Variants in DYNC2I1 observed in about 807,000 individuals in gnomAD.
DYNC2I1 encodes cytoplasmic dynein 2 intermediate chain 1.
A neutral mutation model predicts 133.4 loss-of-function variants in DYNC2I1; 89 were observed. The observed-to-expected ratio is 0.67, with a 90% CI of 0.56 to 0.80. DYNC2I1 has a LOEUF of 0.80. DYNC2I1 is among the 30% of genes least tolerant of loss of function. DYNC2I1 has a pLI of 0.00. For synonymous variants in DYNC2I1, 504 were observed against 484.3 expected, an observed-to-expected ratio of 1.04 and a Z score of -0.54; for missense variants, 1,291 against 1,314.5, an observed-to-expected ratio of 0.98 and a Z score of 0.28.
chr7:158,841,654 G>A, the DYNC2I1 span, among the ~76,000 whole-genome samples: 1 of 152,304 alleles, frequency 6.6e-6, no homozygotes. Flanking sequence ...ATTGGGAAAT[G>A]AGCTATTCAG....
At chr7:158,919,192 G>A (rs1026136995) in intron 15 of DYNC2I1, among the ~76,000 whole-genome samples, 1 of 152,194 alleles carries the variant, frequency 6.6e-6, no homozygotes, top group African/African-American at 2.4e-5. Context: ...CAGTTATTCA[G>A]TTTCTTTTCT....
At position 158,916,523 on chromosome 7, in the gene DYNC2I1, C is replaced by T. The variant is rs201549260; in HGVS notation, c.1791+2202C>T. On this transcript the variant is annotated intron_variant, in intron 14 of 24. Transcript: ENST00000407559. Reference sequence around the variant, plus strand: ...TAAGGATGATTGTGAAACGTCTACACGCTGGTTGACATTAAGGATGATTGT... The same window carrying T: ...TAAGGATGATTGTGAAACGTCTACATGCTGGTTGACATTAAGGATGATTGT... Among the ~76,000 whole-genome samples the T allele has an allele frequency of 1.7e-3, 98 of 56,454 alleles. 2 individuals are homozygous for T. In the South Asian group the frequency reaches 0.031, roughly 18 times the overall value. 37.0% of individuals were successfully genotyped at this position (56,454 alleles called of 152,430 possible). A position where few individuals can be genotyped will look rare whatever the true frequency, so the allele number is the denominator to read the frequency against.
At chr7:158,861,034 G>A (rs842705) in intron 1 of DYNC2I1, among the ~76,000 whole-genome samples, 151,135 of 152,370 alleles carry the variant, frequency 0.99, 74,961 homozygotes, top group East Asian at 1. Context: ...TGCTCCTCGC[G>A]GTGTAAGGCC....
intron 15 of DYNC2I1, among the ~76,000 whole-genome samples, chr7:158,920,275 G>C (rs558803603): frequency 6.7e-6 from 1 of 148,582 alleles, no homozygotes; most frequent in African/African-American, 2.5e-5. Context: ...GTACCACAGC[G>C]TGTGGCCTCC....
At chr7:158,897,213 AC>A (rs1266625853) in intron 8 of DYNC2I1, among the ~76,000 whole-genome samples, 1 of 151,354 alleles carries the variant, frequency 6.6e-6, no homozygotes, top group Non-Finnish European at 1.5e-5. Context: ...CAAACTCTTG[AC>A]CTCAGGTAAT....
intron 11 of DYNC2I1, among the ~76,000 whole-genome samples, chr7:158,910,753 C>T (rs1309749302): frequency 6.7e-6 from 1 of 149,094 alleles, no homozygotes; most frequent in Non-Finnish European, 1.5e-5. Context: ...CTGTGTCAGA[C>T]CTGTGGGTGG....
chr7:158,848,958 C>T, the DYNC2I1 span, among the ~76,000 whole-genome samples: 6 of 152,012 alleles, frequency 3.9e-5, no homozygotes, highest in African/African-American at 9.7e-5. Context: ...AAGGGAACCC[C>T]TGCTGTTCCC....
Position 158,934,490 on chromosome 7 carries a change from A to G in DYNC2I1, c.2719A>G (p.Ile907Val), listed in dbSNP as rs200862059. ...PKLFKPQQHGIRPVKVNVIDF... is the reference protein window; with the variant it reads ...PKLFKPQQHGVRPVKVNVIDF... The stretch of plus-strand genomic sequence containing the variant: ...ACTATTCAAACCTCAGCAACATGGT[A>G]TAAGACCAGTGAAAGTTAATGTCAT... Residue 907 changes from isoleucine (I) to valine (V), a missense_variant, in exon 23 of 25, where the codon ATA (isoleucine) becomes GTA (valine). Coordinates refer to ENST00000407559, the MANE Select transcript of DYNC2I1 (RefSeq NM_018051.5). The G allele has an allele frequency of 4.2e-5, 66 of 1,577,248 alleles. No individual in the cohort carries two copies. Among genetic ancestry groups the G allele is most frequent in the Non-Finnish European group, 5.3e-5 (61 of 1,160,486 alleles).
chr7:158,894,024 CTACCACATATCA>C (rs1230018188), intron 8 of DYNC2I1, among the ~76,000 whole-genome samples: 1 of 148,672 alleles, frequency 6.7e-6, no homozygotes, highest in Non-Finnish European at 1.5e-5. Context: ...AGTGCATATC[CTACCACATATCA>C]TACCACATAT....
At chr7:158,856,206 A>G (rs1212497542), upstream of DYNC2I1, among the ~76,000 whole-genome samples, 1 of 151,572 alleles carries the variant, frequency 6.6e-6, no homozygotes, top group Non-Finnish European at 1.5e-5. Context: ...TCCGCCTCCC[A>G]AAGTGCTGGG....
intron 13 of DYNC2I1, among the ~76,000 whole-genome samples, chr7:158,913,953 A>G (rs1316324577): frequency 6.6e-6 from 1 of 152,102 alleles, no homozygotes; most frequent in African/African-American, 2.4e-5. Flanking sequence ...CAGATGATCC[A>G]CCTGCCTCGG....
chr7:158,857,506 T>A (rs925738234), intron 1 of DYNC2I1, among the ~76,000 whole-genome samples: 2 of 152,018 alleles, frequency 1.3e-5, no homozygotes, highest in African/African-American at 2.4e-5. Context: ...TACTCCTTAA[T>A]TTGTATTTTA....
rs1294160594 is a variant in DYNC2I1, at chr7:158,946,046, G to C, written c.*267G>C. The C allele has an allele frequency of 1.3e-5, 4 of 303,464 alleles. No homozygotes were observed. The highest frequency in any genetic ancestry group is 8.7e-5 in the African/African-American group (4 of 46,228). 18.8% of individuals were successfully genotyped at this position (303,464 alleles called of 1,614,324 possible). A position where few individuals can be genotyped will look rare whatever the true frequency, so the allele number is the denominator to read the frequency against. Reference sequence around the variant, plus strand: ...GTGCTCTTTTCTGAGAGTATTTCGAGTTATTTTTAGAACAGTTTAAATATT... The same window carrying C: ...GTGCTCTTTTCTGAGAGTATTTCGACTTATTTTTAGAACAGTTTAAATATT... On this transcript the variant is annotated 3_prime_UTR_variant, in exon 25 of 25. Coordinates refer to ENST00000407559, the MANE Select transcript of DYNC2I1 (RefSeq NM_018051.5).
chr7:158,941,932 G>A lies in DYNC2I1; in HGVS notation c.2786G>A (p.Cys929Tyr). The A allele has an allele frequency of 6.2e-7, 1 of 1,603,200 alleles. No individual in the cohort carries two copies. Among genetic ancestry groups the A allele is most frequent in the Non-Finnish European group, 8.5e-7 (1 of 1,174,858 alleles). Residue 929 changes from cysteine (C) to tyrosine (Y), a missense_variant, in exon 24 of 25, where the codon TGT becomes TAT. Transcript: ENST00000407559. Reference sequence around the variant, plus strand: ...CTTTCTTCCTGGTCATAGGCCGGCTGTTCGGACGGAAGCATCAGGCTGCAC... The same window carrying A: ...CTTTCTTCCTGGTCATAGGCCGGCTATTCGGACGGAAGCATCAGGCTGCAC... ...PFGEPIFLAGCSDGSIRLHQL... is the reference protein window; with the variant it reads ...PFGEPIFLAGYSDGSIRLHQL...
chr7:158,876,698 G>T lies in DYNC2I1; in HGVS notation c.573+7G>T. Reference sequence around the variant, plus strand: ...AAGATACCGAGAAAGAAAGGTATACGAAGCAAGGCCTGGGGAAAAGTTTTC... The same window carrying T: ...AAGATACCGAGAAAGAAAGGTATACTAAGCAAGGCCTGGGGAAAAGTTTTC... On this transcript the variant is annotated splice_region_variant and intron_variant, in intron 4 of 24. Coordinates refer to ENST00000407559, the MANE Select transcript of DYNC2I1 (RefSeq NM_018051.5). 5.1e-6 allele frequency: 8 copies of T among 1,555,764 alleles called. No homozygotes were observed. Among genetic ancestry groups the T allele is most frequent in the Non-Finnish European group, 6.9e-6 (8 of 1,159,398 alleles).
chr7:158,852,389 G>A (rs1002699794), upstream of DYNC2I1, among the ~76,000 whole-genome samples: 1 of 151,640 alleles, frequency 6.6e-6, no homozygotes, highest in African/African-American at 2.4e-5. Context: ...CAAAGTGTTG[G>A]GATTACAGGC....
intron 14 of DYNC2I1, among the ~76,000 whole-genome samples, chr7:158,915,329 A>C (rs1337702550): frequency 9.8e-4 from 147 of 150,234 alleles, no homozygotes; most frequent in Non-Finnish European, 1.7e-3. Flanking sequence ...GTTGACATTA[A>C]GGATGATTGT....
downstream of DYNC2I1, among the ~76,000 whole-genome samples, chr7:158,948,938 A>T (rs562915335): frequency 2.8e-4 from 42 of 152,212 alleles, no homozygotes; most frequent in Non-Finnish European, 5.1e-4. Flanking sequence ...AGACGCAAAG[A>T]GGAGACACGG....
intron 11 of DYNC2I1, among the ~76,000 whole-genome samples, chr7:158,909,466 C>T (rs1034342882): frequency 4.0e-5 from 6 of 151,282 alleles, no homozygotes; most frequent in African/African-American, 7.3e-5. Context: ...GGTATCAAAA[C>T]GATGGATACT....
Sources: allele counts gnomAD v4.1 joint callset (sites outside exome capture counted in the v4.1 genomes callset), GRCh38; gene constraint gnomAD v4.1.1; transcripts MANE v1.5; gene names NCBI Gene and HGNC (gene_info 2026-07-23, HGNC 2026-07-21).